The following DUSP14 variants were observed in gnomAD, a reference collection of about 807,000 sequenced individuals.
DUSP14 encodes dual specificity phosphatase 14.
Under a neutral mutation model 13.2 loss-of-function variants are expected in DUSP14, and 5 were observed. That is an observed-to-expected ratio of 0.38 (90% CI 0.20 to 0.80). DUSP14 has a LOEUF of 0.80. Among genes scored for constraint, DUSP14 ranks in the 30% least tolerant of loss-of-function variants. The pLI is 0.44. For synonymous variants in DUSP14, 91 were observed against 103.4 expected (o/e 0.88, Z 0.73); for missense variants, 185 against 264.0 (o/e 0.70, Z 2.07).
Position 37,512,928 on chromosome 17 carries a change from G to T in DUSP14, c.*59G>T. ...GGCCGGCATCTGCTCCCCGCCGTCT[G>T]CTCCCTCTCCACTCTCTTCTCAAAT... On this transcript the variant is annotated 3_prime_UTR_variant, in exon 3 of 3. Coordinates refer to ENST00000617516, the MANE Select transcript of DUSP14 (RefSeq NM_007026.4). This position sits in a 1 kb window ranked among gnomAD's most constrained non-coding sequence, Gnocchi z 4.8. 7.1e-7 allele frequency: 1 copy of T among 1,401,404 alleles called. No individual in the cohort carries two copies. Among genetic ancestry groups the T allele is most frequent in the East Asian group, 2.3e-5 (1 of 43,312 alleles). 86.8% of individuals were successfully genotyped at this position (1,401,404 alleles called of 1,614,324 possible). A position where few individuals can be genotyped will look rare whatever the true frequency, so the allele number is the denominator to read the frequency against.
Position 37,513,268 on chromosome 17 carries a change from G to A in DUSP14, c.*399G>A, listed in dbSNP as rs1219518407. 3 of 183,108 alleles carry A rather than the reference G, an allele frequency of 1.6e-5. No homozygotes were observed. Among genetic ancestry groups the A allele is most frequent in the African/African-American group, 2.6e-5 (1 of 38,574 alleles). 11.3% of individuals were successfully genotyped at this position (183,108 alleles called of 1,614,324 possible). ...AGAGACAAGCTTTGCCCCAGGCTGC[G>A]GACCAGACAGATGCTTAGGGAAGGT... is the stretch of plus-strand genomic sequence containing the variant. On this transcript the variant is annotated 3_prime_UTR_variant, in exon 3 of 3. Coordinates refer to ENST00000617516, the MANE Select transcript of DUSP14 (RefSeq NM_007026.4).
At chr17:37,501,000 G>A (rs1041066002) in intron 1 of DUSP14, among the ~76,000 whole-genome samples, 1 of 152,062 alleles carries the variant, frequency 6.6e-6, no homozygotes, top group Non-Finnish European at 1.5e-5. Context: ...ATCCATTGTG[G>A]TCCAATTGTA....
intron 1 of DUSP14, among the ~76,000 whole-genome samples, chr17:37,492,312 CAGGG>C (rs2054034516): frequency 6.6e-6 from 1 of 152,184 alleles, no homozygotes; most frequent in Non-Finnish European, 1.5e-5. Flanking sequence ...GAGTGGAAGA[CAGGG>C]AGAGTTGCTA....
At chr17:37,509,128 TACAC>T (rs869304104) in intron 1 of DUSP14, among the ~76,000 whole-genome samples, 2,105 of 30,940 alleles carry the variant, frequency 0.068, 191 homozygotes, top group Admixed American at 0.093. Flanking sequence ...TATATATATA[TACAC>T]ACACACACAC....
chr17:37,495,568 CATT>C (rs1224077649), intron 1 of DUSP14, among the ~76,000 whole-genome samples: 2 of 152,162 alleles, frequency 1.3e-5, no homozygotes, highest in Non-Finnish European at 2.9e-5. Context: ...GACTAGTAAA[CATT>C]ATGTGGCAGA....
chr17:37,509,140 C>CTGT (rs2054159822), intron 1 of DUSP14, among the ~76,000 whole-genome samples: 1 of 36,502 alleles, frequency 2.7e-5, no homozygotes, highest in Non-Finnish European at 4.3e-5. Flanking sequence ...CACACACACA[C>CTGT]ACACACACAC....
intron 1 of DUSP14, among the ~76,000 whole-genome samples, chr17:37,494,020 G>A (rs968660133): frequency 6.8e-6 from 1 of 147,302 alleles, no homozygotes; most frequent in Non-Finnish European, 1.5e-5. Context: ...TTGAGACAGA[G>A]TCTCACTCTG....
At chr17:37,502,409 C>G (rs1344026548) in intron 1 of DUSP14, among the ~76,000 whole-genome samples, 1 of 149,646 alleles carries the variant, frequency 6.7e-6, no homozygotes, top group Non-Finnish European at 1.5e-5. Context: ...GTCTTGAACT[C>G]CTGGGCTCAA....
chr17:37,493,527 G>T (rs551297070), intron 1 of DUSP14, among the ~76,000 whole-genome samples: 15 of 152,258 alleles, frequency 9.9e-5, no homozygotes, highest in African/African-American at 3.4e-4. Context: ...AATGAATAAA[G>T]GTCCCTGGGT....
At chr17:37,491,035 C>G (rs1285633360) in intron 1 of DUSP14, among the ~76,000 whole-genome samples, 1 of 152,198 alleles carries the variant, frequency 6.6e-6, no homozygotes, top group Admixed American at 6.5e-5. Context: ...GCCGGCAGCT[C>G]CATGCCTGAG....
At chr17:37,493,037 G>GT (rs1179706164) in intron 1 of DUSP14, among the ~76,000 whole-genome samples, 3 of 152,100 alleles carry the variant, frequency 2.0e-5, no homozygotes, top group African/African-American at 7.2e-5. Flanking sequence ...GTGTATGTAT[G>GT]TATATACACA....
At chr17:37,501,783 C>G (rs949893093) in intron 1 of DUSP14, among the ~76,000 whole-genome samples, 1 of 152,162 alleles carries the variant, frequency 6.6e-6, no homozygotes, top group Non-Finnish European at 1.5e-5. Context: ...TTCCAAAGTG[C>G]TGGGATTATA....
intron 1 of DUSP14, among the ~76,000 whole-genome samples, chr17:37,509,232 CTATATACACACTATA>C (rs1161171510): frequency 1.0e-5 from 1 of 98,572 alleles, no homozygotes; most frequent in Non-Finnish European, 2.0e-5. Flanking sequence ...TATATACACA[CTATATACACACTATA>C]TATATATATA....
At chr17:37,511,608 G>T (rs1269896504) in intron 2 of DUSP14, among the ~76,000 whole-genome samples, 1 of 19,494 alleles carries the variant, frequency 5.1e-5, no homozygotes. Flanking sequence ...TTTTTTAGAA[G>T]CTGGGTCTCC....
chr17:37,509,250 T>C (rs1228817983), intron 1 of DUSP14, among the ~76,000 whole-genome samples: 3 of 19,342 alleles, frequency 1.6e-4, no homozygotes, highest in South Asian at 2.3e-3. Context: ...ACACTATATA[T>C]ATATATATAT....
In DUSP14 at chr17:37,498,314, C is replaced by CTT. The variant is rs765033929; in HGVS notation, c.-181+8385_-181+8386dup. On this transcript the variant is annotated intron_variant, in intron 1 of 2. Coordinates refer to ENST00000617516, the MANE Select transcript of DUSP14 (RefSeq NM_007026.4). Reference sequence around the variant, plus strand: ...ACTTGTTTTGTGTACTAGATTGTATCTTTTTTTTTTTTTTTTTTTTTTTTT... The same window carrying CTT: ...ACTTGTTTTGTGTACTAGATTGTATCTTTTTTTTTTTTTTTTTTTTTTTTTTT... Among the ~76,000 whole-genome samples, 87 of 70,578 alleles carry CTT rather than the reference C, an allele frequency of 1.2e-3. 5 individuals are homozygous for CTT. The highest frequency in any genetic ancestry group is 2.1e-3 in the African/African-American group (35 of 16,952). 46.3% of individuals were successfully genotyped at this position (70,578 alleles called of 152,430 possible).
chr17:37,505,755 G>T (rs1344692981), intron 1 of DUSP14, among the ~76,000 whole-genome samples: 1 of 151,612 alleles, frequency 6.6e-6, no homozygotes, highest in Non-Finnish European at 1.5e-5. Flanking sequence ...ACTGCTCCAG[G>T]TATGGATGCC....
chr17:37,505,482 C>T (rs1411096962), intron 1 of DUSP14, among the ~76,000 whole-genome samples: 2 of 152,008 alleles, frequency 1.3e-5, no homozygotes, highest in East Asian at 3.9e-4. Flanking sequence ...ATACTCTGGC[C>T]CTCTGAAATT....
intron 1 of DUSP14, among the ~76,000 whole-genome samples, chr17:37,497,045 G>A (rs9906140): frequency 0.71 from 108,360 of 151,920 alleles, 39,172 homozygotes; most frequent in East Asian, 0.97. Flanking sequence ...TATCAAGTCA[G>A]AGCTTCCTTG....
Sources: allele counts gnomAD v4.1 joint callset (sites outside exome capture counted in the v4.1 genomes callset), GRCh38; gene constraint gnomAD v4.1.1; non-coding constraint Gnocchi (gnomAD v3.1); transcripts MANE v1.5; gene names NCBI Gene and HGNC (gene_info 2026-07-23, HGNC 2026-07-21).